Variants in DZIP1L observed in about 807,000 individuals in gnomAD.
DZIP1L encodes cilium assembly protein DZIP1L.
DZIP1L carries 90 observed loss-of-function variants against 88.7 expected under a neutral mutation model. That is an observed-to-expected ratio of 1.02 (90% CI 0.86 to 1.21). The LOEUF is 1.21. Ranked by LOEUF, DZIP1L falls within the 50% of genes most tolerant of loss-of-function variation. The pLI is 0.00. For synonymous variants in DZIP1L, 363 were observed against 372.1 expected, an observed-to-expected ratio of 0.98 and a Z score of 0.28; for missense variants, 932 against 955.8, an observed-to-expected ratio of 0.98 and a Z score of 0.33.
chr3:138,100,626 C>T (rs933859366), intron 2 of DZIP1L, among the ~76,000 whole-genome samples: 4 of 152,246 alleles, frequency 2.6e-5, no homozygotes, highest in African/African-American at 4.8e-5. Flanking sequence ...TAGATAGTGT[C>T]AGAATTGAAT....
intron 11 of DZIP1L, among the ~76,000 whole-genome samples, chr3:138,072,840 G>A (rs529916539): frequency 2.2e-4 from 33 of 152,308 alleles, no homozygotes; most frequent in African/African-American, 7.7e-4. Context: ...GTGCGAGTGA[G>A]ACCGGACTTT....
Position 138,080,628 on chromosome 3 carries a change from G to C in DZIP1L, c.1235-8C>G, listed in dbSNP as rs1481907503. On this transcript the variant is annotated splice_region_variant and splice_polypyrimidine_tract_variant and intron_variant, in intron 9 of 15. Coordinates refer to ENST00000327532, the MANE Select transcript of DZIP1L (RefSeq NM_173543.3). ...TTGGCACCTTGTGGATCCCTGAAGA[G>C]AGGAGGAACAGTTAGTGGCACCAGT... The C allele has an allele frequency of 6.2e-7, 1 of 1,612,696 alleles. No individual in the cohort carries two copies. The highest frequency in any genetic ancestry group is 2.2e-5 in the East Asian group (1 of 44,856).
At chr3:138,104,260 G>A (rs1044869567) in intron 1 of DZIP1L, among the ~76,000 whole-genome samples, 1 of 152,228 alleles carries the variant, frequency 6.6e-6, no homozygotes, top group African/African-American at 2.4e-5. Context: ...CTCTGCCTTG[G>A]GCAAGTCCCT....
At chr3:138,102,229 C>T in intron 2 of DZIP1L, 1 of 1,413,166 alleles carries the variant, frequency 7.1e-7, no homozygotes, top group Non-Finnish European at 1.0e-6. Flanking sequence ...CGGATCTCCT[C>T]TTCATACAGC....
Position 138,077,572 on chromosome 3 carries a change from G to C in DZIP1L, c.1349C>G (p.Thr450Ser). 6.2e-7 allele frequency: 1 copy of C among 1,614,210 alleles called. No individual in the cohort carries two copies. The highest frequency in any genetic ancestry group is 2.2e-5 in the East Asian group (1 of 44,884). Residue 450 changes from threonine (T) to serine (S), a missense_variant, in exon 11 of 16, where the codon ACT (threonine) becomes AGT (serine). Coordinates refer to ENST00000327532, the MANE Select transcript of DZIP1L (RefSeq NM_173543.3). ...KVLAALRRNP[T>S]LLKHFRPILE... is the part of the protein sequence containing the mutation. ...GATTGGTCTGAAGTGCTTCAGCAAA[G>C]TGGGGTTACGCCTCAGAGCTGCCAG...
intron 12 of DZIP1L, among the ~76,000 whole-genome samples, chr3:138,069,435 C>A (rs1464092125): frequency 1.3e-5 from 2 of 152,276 alleles, no homozygotes; most frequent in East Asian, 3.9e-4. Context: ...TTTTCAACTG[C>A]ATGGGGGGTT....
Position 138,071,652 on chromosome 3 carries a change from GC to G in DZIP1L, c.1605del (p.Gln536SerfsTer49). 4 of 1,612,842 alleles carry G rather than the reference GC, an allele frequency of 2.5e-6. No homozygotes were observed. Among genetic ancestry groups the G allele is most frequent in the East Asian group, 4.5e-5 (2 of 44,880 alleles). On this transcript the variant is annotated frameshift_variant, in exon 12 of 16. Coordinates refer to ENST00000327532, the MANE Select transcript of DZIP1L (RefSeq NM_173543.3). LOFTEE classifies it high-confidence loss of function. Reference protein sequence around the residue: ...ENGAVVSQPDGQPSVKSQQST... With the variant: ...ENGAVVSQPDXQPSVKSQQST... Reference sequence around the variant, plus strand: ...CCTCTCCCCAGTGTACCTGAAGGCTGCCCGTCTGGCTGGGACACCACAGCGC... The same window carrying G: ...CCTCTCCCCAGTGTACCTGAAGGCTGCCGTCTGGCTGGGACACCACAGCGC...
chr3:138,085,301 C>T (rs1460161869), intron 7 of DZIP1L, among the ~76,000 whole-genome samples: 5 of 152,242 alleles, frequency 3.3e-5, no homozygotes, highest in Admixed American at 1.3e-4. Flanking sequence ...AAAGAAACTA[C>T]CATCAGAGTG....
At chr3:138,109,162 T>C (rs372619708) in intron 1 of DZIP1L, among the ~76,000 whole-genome samples, 2 of 152,244 alleles carry the variant, frequency 1.3e-5, no homozygotes, top group South Asian at 2.1e-4. Flanking sequence ...AGTACCTCTC[T>C]AGCTGCATCT....
At chr3:138,112,736 C>A (rs1325742775) in intron 1 of DZIP1L, among the ~76,000 whole-genome samples, 1 of 152,172 alleles carries the variant, frequency 6.6e-6, no homozygotes, top group Admixed American at 6.5e-5. Flanking sequence ...CGCCTGAGGT[C>A]AGGAGTTCAA....
In DZIP1L at chr3:138,068,286, G is replaced by A. The variant is rs368560450; in HGVS notation, c.1697C>T (p.Pro566Leu). The A allele has an allele frequency of 1.8e-5, 29 of 1,596,632 alleles. No individual in the cohort carries two copies. Among genetic ancestry groups the A allele is most frequent in the Middle Eastern group, 1.7e-4 (1 of 6,032 alleles). Reference sequence around the variant, plus strand: ...ACGAGTTGGTGGGGGTGGCTCTGCCGGTGTGGATGGCAAGGCCACCTGCAG... The same window carrying A: ...ACGAGTTGGTGGGGGTGGCTCTGCCAGTGTGGATGGCAAGGCCACCTGCAG... Reference protein sequence around the residue: ...RTLQVALPSTPAEPPPPTRQS... With the variant: ...RTLQVALPSTLAEPPPPTRQS... Residue 566 changes from proline to leucine, a missense_variant, in exon 13 of 16, where the codon CCG becomes CTG. Pro to Leu is a moderately conservative substitution (Grantham distance 98). Coordinates refer to ENST00000327532, the MANE Select transcript of DZIP1L (RefSeq NM_173543.3).
intron 1 of DZIP1L, among the ~76,000 whole-genome samples, chr3:138,114,952 A>G (rs1385541055): frequency 2.6e-5 from 4 of 152,226 alleles, no homozygotes; most frequent in Non-Finnish European, 5.9e-5. Context: ...CGGCACTCAG[A>G]TCATCAAGCC....
Position 138,064,621 on chromosome 3 carries a change from A to T in DZIP1L, c.2142+7T>A, listed in dbSNP as rs1373162322. 5.0e-6 allele frequency: 8 copies of T among 1,614,100 alleles called. No individual in the cohort carries two copies. The highest frequency in any genetic ancestry group is 1.1e-5 in the South Asian group (1 of 91,070). On this transcript the variant is annotated splice_region_variant and intron_variant, in intron 15 of 15. Coordinates refer to ENST00000327532, the MANE Select transcript of DZIP1L (RefSeq NM_173543.3). ...CCAGAGTAAACTCTAAGCATCCTAC[A>T]TCCTACCTGAGGCTTCCTTCCTGGT... is the stretch of plus-strand genomic sequence containing the variant.
At chr3:138,099,998 C>T (rs942572721) in intron 2 of DZIP1L, among the ~76,000 whole-genome samples, 3 of 151,986 alleles carry the variant, frequency 2.0e-5, no homozygotes, top group Admixed American at 6.5e-5. Context: ...TGCCCCACCC[C>T]GCAAATGACT....
In DZIP1L at chr3:138,098,333, T is replaced by C. The variant is rs141827889; in HGVS notation, c.502-486A>G. ...CATTATATTATTCTCTCTACTATTG[T>C]ACATGTTTGAAATTTTCCATAATAA... On this transcript the variant is annotated intron_variant, in intron 2 of 15. Coordinates refer to ENST00000327532, the MANE Select transcript of DZIP1L (RefSeq NM_173543.3). 2.9e-4 allele frequency among the ~76,000 whole-genome samples: 44 copies of C among 152,324 alleles called. 1 individual carries two copies. The East Asian group carries it at 7.7e-3, about 27-fold the overall frequency.
intron 9 of DZIP1L, among the ~76,000 whole-genome samples, chr3:138,081,459 G>A (rs1426060759): frequency 6.6e-6 from 1 of 152,084 alleles, no homozygotes; most frequent in Admixed American, 6.5e-5. Flanking sequence ...GCCTTCTCAT[G>A]AGCCCCCACT....
In DZIP1L at chr3:138,092,471, G is replaced by A. The variant is rs753615520; in HGVS notation, c.782C>T (p.Thr261Ile). The A allele has an allele frequency of 8.7e-6, 14 of 1,605,844 alleles. No homozygotes were observed. Among genetic ancestry groups the A allele is most frequent in the Middle Eastern group, 1.6e-4 (1 of 6,070 alleles). Residue 261 changes from threonine (T) to isoleucine (I), a missense_variant, in exon 5 of 16, where the codon ACC (threonine) becomes ATC (isoleucine). By Grantham distance (89) the Thr-to-Ile change is moderately conservative. Transcript: ENST00000327532. ...EFDKWKEQEW[T>I]KLYGEIDKLK... ...TTTATCTATTTCCCCATAAAGTTTG[G>A]TCCACTCTTGCTCTTTCCATTTATC... is the stretch of plus-strand genomic sequence containing the variant.
At position 138,062,605 on chromosome 3, in the gene DZIP1L, C is replaced by A; in HGVS notation, c.*211G>T. 3 of 531,752 alleles carry A rather than the reference C, an allele frequency of 5.6e-6. No individual in the cohort carries two copies. The highest frequency in any genetic ancestry group is 3.3e-6 in the Non-Finnish European group (1 of 303,574). The allele number at this position is 531,752 out of a possible 1,614,324, so 32.9% of individuals were successfully genotyped here. ...TTTCTCAAGCCTGGGGACCTAGGGGCTCCTAGTCAGGCACCTGTGGCCATC... is the reference window on the plus strand; with the variant it reads ...TTTCTCAAGCCTGGGGACCTAGGGGATCCTAGTCAGGCACCTGTGGCCATC... On this transcript the variant is annotated 3_prime_UTR_variant, in exon 16 of 16. Coordinates refer to ENST00000327532, the MANE Select transcript of DZIP1L (RefSeq NM_173543.3).
In DZIP1L at chr3:138,115,455, C is replaced by G. The variant is rs958588326; in HGVS notation, c.-209G>C. On this transcript the variant is annotated 5_prime_UTR_variant, in exon 1 of 16. Transcript: ENST00000327532. Reference sequence around the variant, plus strand: ...CAGCCCAGAGATGGTTCCCGGAATGCTCACCGCCCGCCGTTCCCGGGATGC... The same window carrying G: ...CAGCCCAGAGATGGTTCCCGGAATGGTCACCGCCCGCCGTTCCCGGGATGC... 1 of 152,394 alleles carries G rather than the reference C, an allele frequency of 6.6e-6. No homozygotes were observed. The highest frequency in any genetic ancestry group is 2.4e-5 in the African/African-American group (1 of 41,466). 9.4% of individuals were successfully genotyped at this position (152,394 alleles called of 1,614,324 possible). A position where few individuals can be genotyped will look rare whatever the true frequency, so the allele number is the denominator to read the frequency against.
Sources: gnomAD v4.1 joint callset for allele counts (sites outside exome capture counted in the v4.1 genomes callset) on GRCh38, gnomAD v4.1.1 for gene constraint, MANE v1.5 for transcripts, NCBI Gene and HGNC (gene_info 2026-07-23, HGNC 2026-07-21) for gene names.